The following ZDHHC3 variants were observed in gnomAD, a reference collection of about 807,000 sequenced individuals.
ZDHHC3 encodes the protein palmitoyltransferase ZDHHC3.
Under a neutral mutation model 30.6 loss-of-function variants are expected in ZDHHC3, and 9 were observed. The ratio of observed to expected loss-of-function variants is 0.29; its 90% CI spans 0.18 to 0.51. ZDHHC3 has a LOEUF of 0.51. Among genes scored for constraint, ZDHHC3 ranks in the 20% least tolerant of loss-of-function variants. The pLI is 0.97. For synonymous variants in ZDHHC3, 136 were observed against 140.2 expected, an observed-to-expected ratio of 0.97 and a Z score of 0.21; for missense variants, 246 against 384.2, an observed-to-expected ratio of 0.64 and a Z score of 3.01.
chr3:44,921,077 C>T lies in ZDHHC3; in HGVS notation c.*5612G>A. The T allele has an allele frequency of 4.1e-6, 4 of 985,386 alleles. No homozygotes were observed. The highest frequency in any genetic ancestry group is 4.8e-6 in the Non-Finnish European group (4 of 829,924). The allele number at this position is 985,386 out of a possible 1,614,324, so 61.0% of individuals were successfully genotyped here. A position where few individuals can be genotyped will look rare whatever the true frequency, so the allele number is the denominator to read the frequency against. On this transcript the variant is annotated 3_prime_UTR_variant, in exon 7 of 7. Transcript: ENST00000424952. ...AGAGAACGAACAAAAATGGTTGATG[C>T]CTGGTAAGGGGGTCATAGTCGACAC...
intron 1 of ZDHHC3, among the ~76,000 whole-genome samples, chr3:44,968,368 C>G (rs1034762005): frequency 6.6e-6 from 1 of 152,166 alleles, no homozygotes; most frequent in East Asian, 1.9e-4. Flanking sequence ...AGCAGACTTT[C>G]CTTTCACTGG....
chr3:44,920,569 CA>C lies in ZDHHC3; in HGVS notation c.*6119del, dbSNP rs1700523109. On this transcript the variant is annotated 3_prime_UTR_variant, in exon 7 of 7. Transcript: ENST00000424952. Reference sequence around the variant, plus strand: ...AGTTCCAAGAGGCCATGACGGTGGCCAAGGCTCATCTAGCTTGTTATGTATC... The same window carrying C: ...AGTTCCAAGAGGCCATGACGGTGGCCAGGCTCATCTAGCTTGTTATGTATC... 5.1e-6 allele frequency: 5 copies of C among 985,250 alleles called. No homozygotes were observed. The highest frequency in any genetic ancestry group is 6.0e-6 in the Non-Finnish European group (5 of 829,844). The allele number at this position is 985,250 out of a possible 1,614,324, so 61.0% of individuals were successfully genotyped here.
chr3:44,970,852 C>A (rs889862802), intron 1 of ZDHHC3, among the ~76,000 whole-genome samples: 1 of 152,128 alleles, frequency 6.6e-6, no homozygotes, highest in Non-Finnish European at 1.5e-5. Context: ...TAAACATGGT[C>A]ATTTTTCAAT....
In ZDHHC3 at chr3:44,925,323, T is replaced by C. The variant is rs1700892497; in HGVS notation, c.*1366A>G. ...ACAGGATTGAATAAACCTTAACTCCTACCCCCACCCCAAGCAAAAGCTAAA... is the reference window on the plus strand; with the variant it reads ...ACAGGATTGAATAAACCTTAACTCCCACCCCCACCCCAAGCAAAAGCTAAA... On this transcript the variant is annotated 3_prime_UTR_variant, in exon 7 of 7. Transcript: ENST00000424952. The C allele has an allele frequency of 2.0e-6, 2 of 985,768 alleles. No individual in the cohort carries two copies. The highest frequency in any genetic ancestry group is 2.4e-6 in the Non-Finnish European group (2 of 829,944). 61.1% of individuals were successfully genotyped at this position (985,768 alleles called of 1,614,324 possible). A position where few individuals can be genotyped will look rare whatever the true frequency, so the allele number is the denominator to read the frequency against.
Position 44,922,890 on chromosome 3 carries a change from A to T in ZDHHC3, c.*3799T>A. Reference sequence around the variant, plus strand: ...ATCTTTCTCTTTTCACATTTCTTTGATATCTAAGGGCACCTTCTAGGTGGG... The same window carrying T: ...ATCTTTCTCTTTTCACATTTCTTTGTTATCTAAGGGCACCTTCTAGGTGGG... On this transcript the variant is annotated 3_prime_UTR_variant, in exon 7 of 7. Transcript: ENST00000424952. 1 of 984,926 alleles carries T rather than the reference A, an allele frequency of 1.0e-6. No homozygotes were observed. Among genetic ancestry groups the T allele is most frequent in the Non-Finnish European group, 1.2e-6 (1 of 829,824 alleles). 61.0% of individuals were successfully genotyped at this position (984,926 alleles called of 1,614,324 possible).
intron 1 of ZDHHC3, among the ~76,000 whole-genome samples, chr3:44,960,621 T>C (rs1044314035): frequency 1.7e-4 from 26 of 152,236 alleles, no homozygotes; most frequent in African/African-American, 5.3e-4. Flanking sequence ...CCAACCAGGT[T>C]TCTCAGTTAG....
In ZDHHC3 at chr3:44,918,183, G is replaced by A; in HGVS notation, c.*8506C>T. 7.8e-7 allele frequency: 1 copy of A among 1,289,314 alleles called. No homozygotes were observed. The highest frequency in any genetic ancestry group is 1.0e-6 in the Non-Finnish European group (1 of 980,572). 79.9% of individuals were successfully genotyped at this position (1,289,314 alleles called of 1,614,324 possible). ...GGATGAAGAACATCGTCAGCGTGGT[G>A]CTGGGCTGTACAGCTCACATAGACA... is the stretch of plus-strand genomic sequence containing the variant. On this transcript the variant is annotated 3_prime_UTR_variant, in exon 7 of 7. Transcript: ENST00000424952.
intron 1 of ZDHHC3, among the ~76,000 whole-genome samples, chr3:44,961,495 G>C (rs942419147): frequency 6.6e-6 from 1 of 152,194 alleles, no homozygotes; most frequent in East Asian, 1.9e-4. Context: ...CTATCCAGAG[G>C]ACAGTGGCAA....
intron 5 of ZDHHC3, chr3:44,932,917 G>A: frequency 6.2e-7 from 1 of 1,614,132 alleles, no homozygotes; most frequent in Non-Finnish European, 8.5e-7. Context: ...CTGTCGAACT[G>A]AAGTTAAGGG....
At chr3:44,928,340 C>A (rs1451023973) in intron 6 of ZDHHC3, among the ~76,000 whole-genome samples, 2 of 152,162 alleles carry the variant, frequency 1.3e-5, no homozygotes, top group African/African-American at 4.8e-5. Context: ...CTCCTCTAAG[C>A]CCACAGGGGA....
chr3:44,958,354 C>T (rs1171841715), intron 2 of ZDHHC3, among the ~76,000 whole-genome samples: 4 of 152,174 alleles, frequency 2.6e-5, no homozygotes, highest in Non-Finnish European at 5.9e-5. Context: ...TGGCCAGTGT[C>T]ACTGCTAGTA....
chr3:44,926,987 C>T (rs919380157), intron 6 of ZDHHC3, 140 bp from the exon 7 acceptor site: 2 of 1,191,980 alleles, frequency 1.7e-6, no homozygotes, highest in African/African-American at 1.6e-5. Context: ...ATATCTTTCT[C>T]ATAAAAAGTG....
At position 44,959,236 on chromosome 3, in the gene ZDHHC3, C is replaced by T; in HGVS notation, c.201G>A (p.Leu67=). The change falls in exon 2 of 7, where the codon CTG becomes CTA. Residue 67 remains leucine (L), a synonymous_variant. Coordinates refer to ENST00000424952, the MANE Select transcript of ZDHHC3 (RefSeq NM_001135179.2). This position sits in a 1 kb window ranked among gnomAD's most constrained non-coding sequence, Gnocchi z 4.3. ...TATACACGTAGTCTCGAGATGGAATCAGCATGACAAAGAGGACCACGAACT... is the reference window on the plus strand; with the variant it reads ...TATACACGTAGTCTCGAGATGGAATTAGCATGACAAAGAGGACCACGAACT... The part of the protein sequence containing the change: ...YAEFVVLFVM[L]IPSRDYVYSI... The T allele has an allele frequency of 6.2e-7, 1 of 1,614,238 alleles. No individual in the cohort carries two copies. The highest frequency in any genetic ancestry group is 8.5e-7 in the Non-Finnish European group (1 of 1,180,050).
intron 3 of ZDHHC3, among the ~76,000 whole-genome samples, chr3:44,938,663 G>C (rs1232308738): frequency 6.6e-6 from 1 of 152,314 alleles, no homozygotes; most frequent in East Asian, 1.9e-4. Flanking sequence ...GCTGGAGGAA[G>C]GGCTGGGCGT....
rs1044254462 is a variant in ZDHHC3, at chr3:44,923,327, C to T, written c.*3362G>A. 6.2e-5 allele frequency: 61 copies of T among 982,194 alleles called. No homozygotes were observed. The highest frequency in any genetic ancestry group is 1.0e-3 in the Middle Eastern group (2 of 1,928). The allele number at this position is 982,194 out of a possible 1,614,324, so 60.8% of individuals were successfully genotyped here. ...TCTTGACCTCGTGATCTGCCCGCCT[C>T]GGCCTCCCAAAGTGCTGGGATTACA... is the stretch of plus-strand genomic sequence containing the variant. On this transcript the variant is annotated 3_prime_UTR_variant, in exon 7 of 7. Coordinates refer to ENST00000424952, the MANE Select transcript of ZDHHC3 (RefSeq NM_001135179.2).
rs950252850 is a variant in ZDHHC3, at chr3:44,918,311, C to A, written c.*8378G>T. On this transcript the variant is annotated 3_prime_UTR_variant, in exon 7 of 7. Transcript: ENST00000424952. ...AGTCTGTTGTGGCCCAGGTCACCCC[C>A]GGGAGGTCCCTCAGAGGACTGCTGG... 3.0e-6 allele frequency: 3 copies of A among 985,130 alleles called. No individual in the cohort carries two copies. In the African/African-American group the frequency reaches 5.2e-5, roughly 17 times the overall value. 61.0% of individuals were successfully genotyped at this position (985,130 alleles called of 1,614,324 possible). A position where few individuals can be genotyped will look rare whatever the true frequency, so the allele number is the denominator to read the frequency against.
At chr3:44,941,449 C>T (rs762294444) in intron 3 of ZDHHC3, among the ~76,000 whole-genome samples, 5 of 152,066 alleles carry the variant, frequency 3.3e-5, no homozygotes, top group Non-Finnish European at 7.3e-5. Context: ...ATTGTGAGCA[C>T]CAAAAATGTA....
At position 44,928,353 on chromosome 3, in the gene ZDHHC3, G is replaced by A. The variant is rs536088118; in HGVS notation, c.741+953C>T. Among the ~76,000 whole-genome samples the A allele has an allele frequency of 6.6e-5, 10 of 152,232 alleles. 1 individual carries two copies. The South Asian group carries it at 2.1e-3, about 32-fold the overall frequency. On this transcript the variant is annotated intron_variant, in intron 6 of 6. Transcript: ENST00000424952. ...TCCTCCTCTAAGCCCACAGGGGAAGGCGCCCAGCAGCAGTGGGAGGATGTT... is the reference window on the plus strand; with the variant it reads ...TCCTCCTCTAAGCCCACAGGGGAAGACGCCCAGCAGCAGTGGGAGGATGTT...
chr3:44,952,613 C>T (rs188882526), intron 2 of ZDHHC3, among the ~76,000 whole-genome samples: 40 of 152,308 alleles, frequency 2.6e-4, no homozygotes, highest in African/African-American at 9.4e-4. Flanking sequence ...CACCTCCCTC[C>T]GTAAACAGTC....
Sources: gnomAD v4.1 joint callset for allele counts (sites outside exome capture counted in the v4.1 genomes callset) on GRCh38, gnomAD v4.1.1 for gene constraint, Gnocchi (gnomAD v3.1) non-coding constraint, MANE v1.5 for transcripts, NCBI Gene and HGNC (gene_info 2026-07-23, HGNC 2026-07-21) for gene names.